B4GALNT4: variants seen among roughly 807,000 people sequenced by gnomAD.
The protein encoded by B4GALNT4 is beta-1,4-N-acetyl-galactosaminyltransferase 4.
B4GALNT4 carries 77 observed loss-of-function variants against 110.0 expected under a neutral mutation model. The ratio of observed to expected loss-of-function variants is 0.70; its 90% CI spans 0.58 to 0.85. The LOEUF is 0.85. B4GALNT4 is among the 40% of genes least tolerant of loss of function. B4GALNT4 has a pLI of 0.00. For missense variants in B4GALNT4, 1,575 were observed against 1,506.0 expected, an observed-to-expected ratio of 1.05 and a Z score of -0.76; for synonymous variants, 785 against 655.5, an observed-to-expected ratio of 1.20 and a Z score of -3.02.
Position 381,662 on chromosome 11 carries a change from G to A in B4GALNT4, c.2997-7G>A, listed in dbSNP as rs1564873674. The A allele has an allele frequency of 6.3e-7, 1 of 1,580,634 alleles. No individual in the cohort carries two copies. Among genetic ancestry groups the A allele is most frequent in the Admixed American group, 1.8e-5 (1 of 54,570 alleles). ...GGTCCTGACCACCTCTCTGCCCCCG[G>A]CCCCAGGGTCCTGCAGGCAGGGCTG... On this transcript the variant is annotated splice_polypyrimidine_tract_variant and splice_region_variant and intron_variant, in intron 19 of 19. Coordinates refer to ENST00000329962, the MANE Select transcript of B4GALNT4 (RefSeq NM_178537.5).
Position 376,590 on chromosome 11 carries a change from G to A in B4GALNT4, c.1467G>A (p.Arg489=). ...PPRPRDGGTP[R]HSRALSWAAR... ...GCCCCCGGGACGGGGGGACCCCCAG[G>A]CACTCCCGGGCCCTGAGCTGGGCCG... Residue 489 remains arginine (R), a synonymous_variant, in exon 14 of 20, where the codon AGG becomes AGA. Coordinates refer to ENST00000329962, the MANE Select transcript of B4GALNT4 (RefSeq NM_178537.5). 7.4e-7 allele frequency: 1 copy of A among 1,355,732 alleles called. No homozygotes were observed. The highest frequency in any genetic ancestry group is 9.4e-7 in the Non-Finnish European group (1 of 1,061,694). 84.0% of individuals were successfully genotyped at this position (1,355,732 alleles called of 1,614,324 possible).
rs1387230164 is a variant in B4GALNT4, at chr11:381,916, G to A, written c.*124G>A. ...AGGGGCACAGCCACCGCCTGTGCCT[G>A]CCCCTCTCTGGCCCACTGGGCGTCG... On this transcript the variant is annotated 3_prime_UTR_variant, in exon 20 of 20. Transcript: ENST00000329962. 1 of 1,194,686 alleles carries A rather than the reference G, an allele frequency of 8.4e-7. No homozygotes were observed. The highest frequency in any genetic ancestry group is 1.1e-6 in the Non-Finnish European group (1 of 909,990). The allele number at this position is 1,194,686 out of a possible 1,614,324, so 74.0% of individuals were successfully genotyped here.
At chr11:380,485 C>T in intron 18 of B4GALNT4, 40 bp downstream of exon 18, 1 of 1,546,056 alleles carries the variant, frequency 6.5e-7, no homozygotes, top group South Asian at 1.2e-5. Flanking sequence ...ACCAGGGTTC[C>T]CACCAACCGC....
In B4GALNT4 at chr11:372,667, A is replaced by T; in HGVS notation, c.261A>T (p.Glu87Asp). Reference sequence around the variant, plus strand: ...TTGCCTTTTCTCTCCTGCAGCCCGAAGGTCGGGACCTAGACATGCTGTTTC... The same window carrying T: ...TTGCCTTTTCTCTCCTGCAGCCCGATGGTCGGGACCTAGACATGCTGTTTC... ...SESREEEQAP[E>D]GRDLDMLFPG... The change falls in exon 3 of 20, where the codon GAA becomes GAT. Residue 87 changes from glutamate (E) to aspartate (D), a missense_variant. Glu to Asp is a conservative substitution (Grantham distance 45). Transcript: ENST00000329962. 6.2e-7 allele frequency: 1 copy of T among 1,611,616 alleles called. No individual in the cohort carries two copies.
At chr11:373,988 G>A (rs1368561196) in intron 8 of B4GALNT4, among the ~76,000 whole-genome samples, 160 bp downstream of exon 8, 2 of 152,146 alleles carry the variant, frequency 1.3e-5, no homozygotes, top group East Asian at 1.9e-4. Flanking sequence ...TGGGGGGCTC[G>A]GTGAGGCTTC....
At position 369,944 on chromosome 11, in the gene B4GALNT4, C is replaced by T; in HGVS notation, c.141C>T (p.Gly47=). The change falls in exon 1 of 20, where the codon GGC becomes GGT. Residue 47 remains glycine, a synonymous_variant. Coordinates refer to ENST00000329962, the MANE Select transcript of B4GALNT4 (RefSeq NM_178537.5). ...RQGRALRQRL[G]YGRDGEKLTS... is the part of the protein sequence containing the mutation. Reference sequence around the variant, plus strand: ...GACGCGCGCTGCGCCAGCGCCTGGGCTACGGGCGAGGTACGGCGCGGGGGG... The same window carrying T: ...GACGCGCGCTGCGCCAGCGCCTGGGTTACGGGCGAGGTACGGCGCGGGGGG... The T allele has an allele frequency of 1.0e-6, 1 of 955,952 alleles. No individual in the cohort carries two copies. The highest frequency in any genetic ancestry group is 1.2e-6 in the Non-Finnish European group (1 of 815,262). 59.2% of individuals were successfully genotyped at this position (955,952 alleles called of 1,614,324 possible).
At chr11:379,076 G>A (rs1846817467) in intron 14 of B4GALNT4, among the ~76,000 whole-genome samples, 1 of 152,230 alleles carries the variant, frequency 6.6e-6, no homozygotes, top group African/African-American at 2.4e-5. Flanking sequence ...TGTCCTATGG[G>A]CGGTGGCTAA....
In B4GALNT4 at chr11:381,754, G is replaced by T. The variant is rs75988367; in HGVS notation, c.3082G>T (p.Val1028Phe). ...HYHSKRGMWS[V>F]RSRKGSRTGA... ...CCACTCCAAGAGGGGCATGTGGAGC[G>T]TCCGCAGCAGGAAGGGCTCTCGCAC... Residue 1028 changes from valine to phenylalanine, a missense_variant, in exon 20 of 20, where the codon GTC (valine) becomes TTC (phenylalanine). Val to Phe is a conservative substitution (Grantham distance 50, BLOSUM62 -1). Coordinates refer to ENST00000329962, the MANE Select transcript of B4GALNT4 (RefSeq NM_178537.5). 3.8e-6 allele frequency: 6 copies of T among 1,586,074 alleles called. No homozygotes were observed. Among genetic ancestry groups the T allele is most frequent in the Non-Finnish European group, 5.1e-6 (6 of 1,169,374 alleles).
In B4GALNT4 at chr11:376,848, CGGCCGCAGGACCGGCGGCCCCCA is replaced by C. The variant is rs1846767265; in HGVS notation, c.1730_1752del (p.Arg577HisfsTer93). 1 of 1,326,376 alleles carries C rather than the reference CGGCCGCAGGACCGGCGGCCCCCA, an allele frequency of 7.5e-7. No individual in the cohort carries two copies. The highest frequency in any genetic ancestry group is 9.6e-7 in the Non-Finnish European group (1 of 1,039,224). 82.2% of individuals were successfully genotyped at this position (1,326,376 alleles called of 1,614,324 possible). On this transcript the variant is annotated frameshift_variant, in exon 14 of 20. Coordinates refer to ENST00000329962, the MANE Select transcript of B4GALNT4 (RefSeq NM_178537.5). LOFTEE classifies it high-confidence loss of function. The stretch of plus-strand genomic sequence containing the variant: ...CGCCCCCACGCCCACCCCGGCCCCA[CGGCCGCAGGACCGGCGGCCCCCA>C]GGCCACACAGCCGAGGCCCCCAGCC...
rs1463542604 is a variant in B4GALNT4, at chr11:377,013, C to G, written c.1890C>G (p.Ser630Arg). Residue 630 changes from serine to arginine, a missense_variant, in exon 14 of 20, where the codon AGC becomes AGG. Transcript: ENST00000329962. Reference protein sequence around the residue: ...SEARPVTSFLSLSQVSGPQLP... With the variant: ...SEARPVTSFLRLSQVSGPQLP... ...CGCGGCCCGTGACCTCCTTCCTGAG[C>G]TTGTCCCAGGTGTCCGGGCCGCAGC... 1 of 1,448,582 alleles carries G rather than the reference C, an allele frequency of 6.9e-7. No homozygotes were observed. The allele number at this position is 1,448,582 out of a possible 1,614,324, so 89.7% of individuals were successfully genotyped here. A position where few individuals can be genotyped will look rare whatever the true frequency, so the allele number is the denominator to read the frequency against.
Position 373,742 on chromosome 11 carries a change from G to A in B4GALNT4, c.705-8G>A. 6.2e-7 allele frequency: 1 copy of A among 1,612,048 alleles called. No homozygotes were observed. The highest frequency in any genetic ancestry group is 2.2e-5 in the East Asian group (1 of 44,848). ...GCATGGCACGACCCTTGCTCCTCGT[G>A]TCCCCAGGCTCATGGCCTCCCGGAG... is the stretch of plus-strand genomic sequence containing the variant. On this transcript the variant is annotated splice_region_variant and splice_polypyrimidine_tract_variant and intron_variant, in intron 7 of 19. Transcript: ENST00000329962.
At chr11:375,403 T>G in intron 8 of B4GALNT4, 58 bp from the exon 9 acceptor site, 1 of 1,572,588 alleles carries the variant, frequency 6.4e-7, no homozygotes, top group Non-Finnish European at 8.7e-7. Flanking sequence ...GGTAGACCCT[T>G]TCTTCCCTGG....
In B4GALNT4 at chr11:379,997, C is replaced by T; in HGVS notation, c.2620C>T (p.Leu874=). The T allele has an allele frequency of 6.2e-7, 1 of 1,612,898 alleles. No homozygotes were observed. The highest frequency in any genetic ancestry group is 8.5e-7 in the Non-Finnish European group (1 of 1,179,710). Reference sequence around the variant, plus strand: ...CGAGGATATGGACGTGGAGCGGGCCCTGCGCGCCGCGCGCCTGCCCCGGTA... The same window carrying T: ...CGAGGATATGGACGTGGAGCGGGCCTTGCGCGCCGCGCGCCTGCCCCGGTA... ...ESEDMDVERA[L]RAARLPRYQY... The change falls in exon 16 of 20, where the codon CTG becomes TTG. Residue 874 remains leucine, a synonymous_variant. Coordinates refer to ENST00000329962, the MANE Select transcript of B4GALNT4 (RefSeq NM_178537.5).
At position 377,696 on chromosome 11, in the gene B4GALNT4, G is replaced by T. The variant is rs143023077; in HGVS notation, c.2204+369G>T. Among the ~76,000 whole-genome samples, 9 of 152,366 alleles carry T rather than the reference G, an allele frequency of 5.9e-5. No individual in the cohort carries two copies. In the East Asian group the frequency reaches 1.7e-3, roughly 29 times the overall value. ...GCTGCGCAGACAGCCCCATTCCGGG[G>T]GGGCCAGGCAGAGACCCTTAGGGCA... On this transcript the variant is annotated intron_variant, in intron 14 of 19. Transcript: ENST00000329962.
chr11:370,232 C>G (rs1050291913), intron 1 of B4GALNT4, among the ~76,000 whole-genome samples: 1 of 152,042 alleles, frequency 6.6e-6, no homozygotes, highest in South Asian at 2.1e-4. Context: ...CAGAGAGGGT[C>G]CCTGACTCTG....
chr11:376,980 C>A lies in B4GALNT4; in HGVS notation c.1857C>A (p.Ser619=). 1 of 1,457,418 alleles carries A rather than the reference C, an allele frequency of 6.9e-7. No individual in the cohort carries two copies. 90.3% of individuals were successfully genotyped at this position (1,457,418 alleles called of 1,614,324 possible). ...CGCCCACAGTGGACTCAAACTTGTC[C>A]TCCGAAGCGCGGCCCGTGACCTCCT... The part of the protein sequence containing the change: ...PAAPTVDSNL[S]SEARPVTSFL... Residue 619 remains serine (S), a synonymous_variant, in exon 14 of 20, where the codon TCC becomes TCA. Transcript: ENST00000329962.
At chr11:380,576 C>A (rs748805489) in intron 18 of B4GALNT4, 131 bp downstream of exon 18, 1 of 1,359,618 alleles carries the variant, frequency 7.4e-7, no homozygotes, top group African/African-American at 1.4e-5. Context: ...CCGTAGTGCC[C>A]AGAGCCCCAG....
chr11:378,354 CAG>C (rs1846803210), intron 14 of B4GALNT4, among the ~76,000 whole-genome samples: 1 of 152,168 alleles, frequency 6.6e-6, no homozygotes, highest in Admixed American at 6.5e-5. Context: ...CTAGGTGGCT[CAG>C]AGGGCACGCC....
At chr11:373,634 G>A (rs1047487214) in intron 7 of B4GALNT4, 116 bp from the exon 8 acceptor site, 44 of 1,518,120 alleles carry the variant, frequency 2.9e-5, no homozygotes, top group Non-Finnish European at 3.9e-5. Context: ...GCCCGGCCAA[G>A]CTGCCATCCT....
Sources: gnomAD v4.1 joint callset for allele counts (sites outside exome capture counted in the v4.1 genomes callset) on GRCh38, gnomAD v4.1.1 for gene constraint, MANE v1.5 for transcripts, NCBI Gene and HGNC (gene_info 2026-07-23, HGNC 2026-07-21) for gene names.